Variants in SDK1 observed in about 807,000 individuals in gnomAD.
SDK1 encodes the protein sidekick cell adhesion molecule 1.
Under a neutral mutation model 245.5 loss-of-function variants are expected in SDK1, and 157 were observed. The ratio of observed to expected loss-of-function variants is 0.64; its 90% CI spans 0.56 to 0.73. SDK1 has a LOEUF of 0.73. Among genes scored for constraint, SDK1 ranks in the 30% least tolerant of loss-of-function variants. SDK1 has a pLI of 0.00. For missense variants in SDK1, 3,583 were observed against 3,002.3 expected (o/e 1.19, Z -4.52); for synonymous variants, 1,647 against 1,278.5 (o/e 1.29, Z -6.15).
intron 1 of SDK1, among the ~76,000 whole-genome samples, chr7:3,604,652 G>C (rs544792639): frequency 1.4e-5 from 2 of 144,544 alleles, no homozygotes; most frequent in African/African-American, 2.6e-5. Flanking sequence ...GCCCAGGCTG[G>C]AGTGCAATGG....
intron 1 of SDK1, among the ~76,000 whole-genome samples, chr7:3,539,312 G>C (rs559675982): frequency 2.0e-5 from 3 of 152,248 alleles, no homozygotes; most frequent in African/African-American, 4.8e-5. Context: ...TTGGTGCTTA[G>C]TTTTTAGCAG....
At chr7:3,689,256 C>A (rs1363262309) in intron 4 of SDK1, among the ~76,000 whole-genome samples, 6 of 152,158 alleles carry the variant, frequency 3.9e-5, no homozygotes, top group Admixed American at 3.3e-4. Flanking sequence ...GCTATGGGGA[C>A]CTGATGATTC....
At chr7:4,184,209 A>G (rs1205798755) in intron 35 of SDK1, among the ~76,000 whole-genome samples, 1 of 152,234 alleles carries the variant, frequency 6.6e-6, no homozygotes, top group Non-Finnish European at 1.5e-5. Flanking sequence ...GCTTCAGAGC[A>G]CCACAAACTC....
In SDK1 at chr7:4,065,694, G is replaced by GTTTTT. The variant is rs749991713; in HGVS notation, c.2912-2113_2912-2109dup. ...AGTTTCACCCAGATGAGTGGTTGTT[G>GTTTTT]TTTTTTTTTTTTTTTTTTTTTTTTT... On this transcript the variant is annotated intron_variant, in intron 19 of 44. Transcript: ENST00000404826. Among the ~76,000 whole-genome samples, 505 of 66,492 alleles carry GTTTTT rather than the reference G, an allele frequency of 7.6e-3. 22 individuals carry two copies. The highest frequency in any genetic ancestry group is 0.022 in the East Asian group (22 of 996). 43.6% of individuals were successfully genotyped at this position (66,492 alleles called of 152,430 possible). A position where few individuals can be genotyped will look rare whatever the true frequency, so the allele number is the denominator to read the frequency against.
At position 3,556,721 on chromosome 7, in the gene SDK1, C is replaced by G. The variant is rs557316881; in HGVS notation, c.299-62359C>G. 3.0e-3 allele frequency among the ~76,000 whole-genome samples: 453 copies of G among 152,156 alleles called. 2 individuals are homozygous for G. The highest frequency in any genetic ancestry group is 4.4e-3 in the Non-Finnish European group (298 of 68,008). On this transcript the variant is annotated intron_variant, in intron 1 of 44. Transcript: ENST00000404826. ...CCTGTAATCCCAGCTACTCTGGAGACTGAGGCAGGAGGCAGTGAGCCAAGA... is the reference window on the plus strand; with the variant it reads ...CCTGTAATCCCAGCTACTCTGGAGAGTGAGGCAGGAGGCAGTGAGCCAAGA...
intron 1 of SDK1, among the ~76,000 whole-genome samples, chr7:3,419,140 G>A (rs1415461790): frequency 1.3e-5 from 2 of 152,284 alleles, no homozygotes; most frequent in Non-Finnish European, 2.9e-5. Flanking sequence ...TTGTTCAAGG[G>A]TCAGACTGTA....
chr7:3,465,901 G>T (rs775026106), intron 1 of SDK1, among the ~76,000 whole-genome samples: 2 of 152,134 alleles, frequency 1.3e-5, no homozygotes, highest in African/African-American at 2.4e-5. Context: ...CACCTAAGGC[G>T]TTCACACATG....
At chr7:3,497,983 T>C (rs1288021876) in intron 1 of SDK1, among the ~76,000 whole-genome samples, 1 of 152,230 alleles carries the variant, frequency 6.6e-6, no homozygotes, top group African/African-American at 2.4e-5. Flanking sequence ...GGAGACAGCT[T>C]TATGCAGTTT....
chr7:3,338,061 A>C (rs1378865197), intron 1 of SDK1: 1 of 175,690 alleles, frequency 5.7e-6, no homozygotes, highest in East Asian at 1.4e-4. Context: ...AATATTTAAG[A>C]CATGCTTAAA....
intron 1 of SDK1, among the ~76,000 whole-genome samples, chr7:3,454,388 TTGTGTGTGTGTGTGTGTGTGTGTG>T (rs60437983): frequency 7.1e-6 from 1 of 141,686 alleles, no homozygotes; most frequent in Non-Finnish European, 1.5e-5. Flanking sequence ...TCCCCAAGAT[TTGTGTGTGTGTGTGTGTGTGTGTG>T]TGTGTGTGTG....
intron 5 of SDK1, among the ~76,000 whole-genome samples, chr7:3,832,034 C>T (rs1262305498): frequency 3.3e-5 from 5 of 152,060 alleles, no homozygotes; most frequent in Non-Finnish European, 5.9e-5. Flanking sequence ...CTGGGCAACA[C>T]AGCAAGACCC....
intron 1 of SDK1, among the ~76,000 whole-genome samples, chr7:3,587,826 A>C (rs928744855): frequency 6.6e-6 from 1 of 152,200 alleles, no homozygotes; most frequent in Non-Finnish European, 1.5e-5. Context: ...TCAGCTCTCC[A>C]CATCTAAATT....
chr7:3,465,548 C>T (rs1283614561), intron 1 of SDK1, among the ~76,000 whole-genome samples: 1 of 152,128 alleles, frequency 6.6e-6, no homozygotes, highest in Non-Finnish European at 1.5e-5. Context: ...TGGCTTTGCA[C>T]TGCTCTCATT....
chr7:3,724,205 T>C (rs534168865), intron 4 of SDK1, among the ~76,000 whole-genome samples: 38 of 152,074 alleles, frequency 2.5e-4, no homozygotes, highest in African/African-American at 9.1e-4. Context: ...CCTCAGGTGA[T>C]CCACCCACCT....
At chr7:3,846,982 G>C (rs1780295421) in intron 5 of SDK1, among the ~76,000 whole-genome samples, 1 of 152,096 alleles carries the variant, frequency 6.6e-6, no homozygotes, top group African/African-American at 2.4e-5. Context: ...CTGCGCGGCT[G>C]GCTGTCCCCA....
intron 1 of SDK1, among the ~76,000 whole-genome samples, chr7:3,580,547 G>T (rs1025310469): frequency 1.3e-5 from 2 of 152,240 alleles, no homozygotes; most frequent in South Asian, 4.2e-4. Flanking sequence ...ATGGGGAAAG[G>T]ATTCCCTATT....
intron 30 of SDK1, among the ~76,000 whole-genome samples, chr7:4,152,518 G>C (rs1780454003): frequency 6.6e-6 from 1 of 152,232 alleles, no homozygotes; most frequent in Admixed American, 6.5e-5. Flanking sequence ...GAAGGCTTCT[G>C]AAGCCAAACA....
chr7:3,452,616 A>G (rs969117358), intron 1 of SDK1, among the ~76,000 whole-genome samples: 1 of 152,172 alleles, frequency 6.6e-6, no homozygotes, highest in African/African-American at 2.4e-5. Context: ...GCTAATAGTG[A>G]AAGATGGAAA....
At chr7:4,250,717 C>T (rs1787239260) in intron 44 of SDK1, among the ~76,000 whole-genome samples, 1 of 152,168 alleles carries the variant, frequency 6.6e-6, no homozygotes, top group Non-Finnish European at 1.5e-5. Flanking sequence ...GGAAAGGCTG[C>T]CATCTTGACA....
Sources: allele counts gnomAD v4.1 joint callset (sites outside exome capture counted in the v4.1 genomes callset), GRCh38; gene constraint gnomAD v4.1.1; transcripts MANE v1.5; gene names NCBI Gene and HGNC (gene_info 2026-07-23, HGNC 2026-07-21).